Variants in RAD9B observed in about 807,000 individuals in gnomAD.
The protein encoded by RAD9B is RAD9 checkpoint clamp component B.
Under a neutral mutation model 48.3 loss-of-function variants are expected in RAD9B, and 41 were observed. That is an observed-to-expected ratio of 0.85 (90% CI 0.66 to 1.10). The LOEUF is 1.10. RAD9B is among the 50% of genes least tolerant of loss of function. The pLI, the probability that RAD9B is intolerant of heterozygous loss-of-function variation, is 0.00. For missense variants in RAD9B, 444 were observed against 485.1 expected, an observed-to-expected ratio of 0.92 and a Z score of 0.80; for synonymous variants, 160 against 157.9, an observed-to-expected ratio of 1.01 and a Z score of -0.10.
rs1363945838 is a variant in RAD9B at position 110,532,611 on chromosome 12, G to A, written c.*1958G>A. The stretch of plus-strand genomic sequence containing the variant: ...GTGCTAAGCTGAAATACAGTCATGT[G>A]CTGCATAACAACGTTTTGGTCAACG... On this transcript the variant is annotated 3_prime_UTR_variant, in exon 11 of 11. Transcript: ENST00000409300. 6.6e-6 allele frequency among the ~76,000 whole-genome samples: 1 copy of A among 152,198 alleles called. No individual in the cohort carries two copies. Among genetic ancestry groups the A allele is most frequent in the Admixed American group, 6.5e-5 (1 of 15,280 alleles).
intron 5 of RAD9B, among the ~76,000 whole-genome samples, chr12:110,514,514 G>C (rs377109764): frequency 1.2e-4 from 18 of 152,242 alleles, no homozygotes; most frequent in African/African-American, 3.9e-4. Context: ...CAATAAAACT[G>C]TTTTTGAAAA....
chr12:110,517,751 GACACACACACAC>G (rs34935245), intron 6 of RAD9B, among the ~76,000 whole-genome samples: 25 of 141,516 alleles, frequency 1.8e-4, no homozygotes, highest in South Asian at 9.3e-4. Flanking sequence ...ACAAAACATT[GACACACACACAC>G]ACACACACAC....
chr12:110,517,346 C>T (rs758010844), intron 6 of RAD9B, among the ~76,000 whole-genome samples: 1 of 151,506 alleles, frequency 6.6e-6, no homozygotes, highest in Admixed American at 6.6e-5. Context: ...ATTAATGGGC[C>T]GGGCGTGGTG....
chr12:110,521,519 T>C (rs2063784790), intron 9 of RAD9B, among the ~76,000 whole-genome samples: 1 of 151,942 alleles, frequency 6.6e-6, no homozygotes, highest in Non-Finnish European at 1.5e-5. Flanking sequence ...TGTGGGTGTG[T>C]TTCAATATCA....
At chr12:110,530,496 C>A in intron 10 of RAD9B, 29 bp from the exon 11 acceptor site, 2 of 1,611,620 alleles carry the variant, frequency 1.2e-6, no homozygotes, top group South Asian at 2.2e-5. Flanking sequence ...TCTTTGGAAT[C>A]AACAATGCAG....
chr12:110,520,311 G>A (rs2063735427), intron 9 of RAD9B, among the ~76,000 whole-genome samples: 1 of 151,986 alleles, frequency 6.6e-6, no homozygotes, highest in African/African-American at 2.4e-5. Context: ...TGGCTCAAGT[G>A]GTCCTCCCAC....
intron 9 of RAD9B, among the ~76,000 whole-genome samples, chr12:110,520,628 C>CTT (rs71083129): frequency 0.1 from 10,038 of 100,118 alleles, 647 homozygotes; most frequent in African/African-American, 0.19. Context: ...TTCTTGCTTT[C>CTT]TTTTTTTTTT....
chr12:110,516,466 C>T (rs1434879099), intron 6 of RAD9B, among the ~76,000 whole-genome samples: 2 of 152,182 alleles, frequency 1.3e-5, no homozygotes, highest in East Asian at 1.9e-4. Context: ...GTGACATGAG[C>T]CTTCTTGTTG....
rs2064116630 is a variant in RAD9B at position 110,530,782 on chromosome 12, AACC to A, written c.*132_*134del. 2.0e-6 allele frequency: 3 copies of A among 1,488,720 alleles called. No individual in the cohort carries two copies. The highest frequency in any genetic ancestry group is 2.7e-6 in the Non-Finnish European group (3 of 1,124,602). 92.2% of individuals were successfully genotyped at this position (1,488,720 alleles called of 1,614,324 possible). A position where few individuals can be genotyped will look rare whatever the true frequency, so the allele number is the denominator to read the frequency against. On this transcript the variant is annotated 3_prime_UTR_variant, in exon 11 of 11. Transcript: ENST00000409300. ...CCTTTTAATGGAGGATGGGCTTTTAAACCACATCATCTTGTACAACAACCATAT... is the reference window on the plus strand; with the variant it reads ...CCTTTTAATGGAGGATGGGCTTTTAAACATCATCTTGTACAACAACCATAT...
chr12:110,503,836 G>C lies in RAD9B; in HGVS notation c.77G>C (p.Arg26Pro). ...GGGAAAGCAGTTCAAGCTCTATCAC[G>C]AATTAGTGACGAGTTCTGGCTAGAC... is the stretch of plus-strand genomic sequence containing the variant. The part of the protein sequence containing the change: ...VFGKAVQALS[R>P]ISDEFWLDPS... The change falls in exon 2 of 11, where the codon CGA (arginine) becomes CCA (proline). Residue 26 changes from arginine (R) to proline (P), a missense_variant. By Grantham distance (103) the Arg-to-Pro change is moderately radical. Coordinates refer to ENST00000409300, the MANE Select transcript of RAD9B (RefSeq NM_001286535.2). 2.5e-6 allele frequency: 4 copies of C among 1,605,038 alleles called. No individual in the cohort carries two copies. The highest frequency in any genetic ancestry group is 3.4e-6 in the Non-Finnish European group (4 of 1,176,218).
At chr12:110,525,706 T>G (rs2063915594) in intron 10 of RAD9B, among the ~76,000 whole-genome samples, 1 of 152,220 alleles carries the variant, frequency 6.6e-6, no homozygotes, top group Admixed American at 6.5e-5. Flanking sequence ...GGAGAGATAC[T>G]TTGATACTAT....
Position 110,531,197 on chromosome 12 carries a change from TC to T in RAD9B, c.*545del. 1 of 979,588 alleles carries T rather than the reference TC, an allele frequency of 1.0e-6. No individual in the cohort carries two copies. Among genetic ancestry groups the T allele is most frequent in the Non-Finnish European group, 1.2e-6 (1 of 815,310 alleles). 60.7% of individuals were successfully genotyped at this position (979,588 alleles called of 1,614,324 possible). A position where few individuals can be genotyped will look rare whatever the true frequency, so the allele number is the denominator to read the frequency against. ...CAAGAGTAAAAATATATAGTCACTT[TC>T]ACTTGGCTTTTTTAGACGGAGTCTC... On this transcript the variant is annotated 3_prime_UTR_variant, in exon 11 of 11. Coordinates refer to ENST00000409300, the MANE Select transcript of RAD9B (RefSeq NM_001286535.2).
chr12:110,513,281 T>A (rs1156395105), intron 5 of RAD9B, among the ~76,000 whole-genome samples: 10 of 152,142 alleles, frequency 6.6e-5, no homozygotes, highest in Non-Finnish European at 1.5e-4. Context: ...ACATTTTTTT[T>A]TTTTAAGCTG....
chr12:110,530,394 T>C, intron 10 of RAD9B, 131 bp from the exon 11 acceptor site: 1 of 831,926 alleles, frequency 1.2e-6, no homozygotes, highest in Non-Finnish European at 1.9e-6. Context: ...TTCTGGGTGT[T>C]CTGTGAACCA....
intron 1 of RAD9B, 86 bp from the exon 2 acceptor site, chr12:110,503,720 G>A: frequency 1.1e-6 from 1 of 910,332 alleles, no homozygotes; most frequent in Non-Finnish European, 1.8e-6. Context: ...TTTCTCTTGA[G>A]TCCTCTGAAT....
chr12:110,505,279 T>C (rs73191827), intron 2 of RAD9B, among the ~76,000 whole-genome samples: 1,585 of 152,158 alleles, frequency 0.01, 14 homozygotes, highest in Non-Finnish European at 0.016. Flanking sequence ...GTATATATTA[T>C]AGGTGTACAT....
In RAD9B at chr12:110,531,895, AAGG is replaced by A; in HGVS notation, c.*1244_*1246del. ...CATCTTTCTGAAACCTTCAAACCGT[AAGG>A]AAGTGTTAACTGGCAAGCAGTTGTA... On this transcript the variant is annotated 3_prime_UTR_variant, in exon 11 of 11. Transcript: ENST00000409300. The A allele has an allele frequency of 2.4e-6, 1 of 414,064 alleles. No individual in the cohort carries two copies. The highest frequency in any genetic ancestry group is 4.7e-5 in the Admixed American group (1 of 21,364). 25.6% of individuals were successfully genotyped at this position (414,064 alleles called of 1,614,324 possible). A position where few individuals can be genotyped will look rare whatever the true frequency, so the allele number is the denominator to read the frequency against.
At chr12:110,520,142 ACTGT>A (rs1365524894) in intron 9 of RAD9B, among the ~76,000 whole-genome samples, 1 of 152,204 alleles carries the variant, frequency 6.6e-6, no homozygotes, top group African/African-American at 2.4e-5. Flanking sequence ...ATTGAACAAG[ACTGT>A]CTGGTTTATC....
chr12:110,510,951 CA>C (rs1480247048), intron 4 of RAD9B, among the ~76,000 whole-genome samples: 11 of 128,966 alleles, frequency 8.5e-5, no homozygotes, highest in Admixed American at 2.4e-4. Flanking sequence ...GAGACCCTGT[CA>C]AAAAAAAAAG....
Sources: gnomAD v4.1 joint callset for allele counts (sites outside exome capture counted in the v4.1 genomes callset) on GRCh38, gnomAD v4.1.1 for gene constraint, MANE v1.5 for transcripts, NCBI Gene and HGNC (gene_info 2026-07-23, HGNC 2026-07-21) for gene names.